Variants in GRID2 observed in about 807,000 individuals in gnomAD.
The protein encoded by GRID2 is glutamate receptor ionotropic, delta-2.
In GRID2, 33 loss-of-function variants were observed where a neutral mutation model predicts 114.8. That is an observed-to-expected ratio of 0.29 (90% CI 0.22 to 0.38). The LOEUF is 0.38. Among genes scored for constraint, GRID2 ranks in the 10% least tolerant of loss-of-function variants. The pLI is 1.00. For synonymous variants in GRID2, 505 were observed against 449.9 expected (o/e 1.12, Z -1.55); for missense variants, 1,184 against 1,257.7 (o/e 0.94, Z 0.89).
chr4:93,163,666 C>T (rs1737973138), intron 4 of GRID2, among the ~76,000 whole-genome samples: 1 of 150,914 alleles, frequency 6.6e-6, no homozygotes, highest in Non-Finnish European at 1.5e-5. Context: ...TTATGATGGG[C>T]TGTCATTAAA....
intron 1 of GRID2, among the ~76,000 whole-genome samples, chr4:92,535,493 GGATTGCAGTTAT>G (rs1725573731): frequency 6.6e-6 from 1 of 151,958 alleles, no homozygotes; most frequent in Non-Finnish European, 1.5e-5. Flanking sequence ...AAACTTCCTG[GGATTGCAGTTAT>G]GACCTAATGT....
intron 1 of GRID2, among the ~76,000 whole-genome samples, chr4:92,441,551 A>G (rs1331794576): frequency 1.3e-5 from 2 of 152,124 alleles, no homozygotes; most frequent in Non-Finnish European, 2.9e-5. Context: ...TTTTGTTGAT[A>G]AGGCGCAGAT....
intron 2 of GRID2, among the ~76,000 whole-genome samples, chr4:92,874,620 A>G (rs2149449728): frequency 6.6e-6 from 1 of 152,282 alleles, no homozygotes; most frequent in African/African-American, 2.4e-5. Flanking sequence ...AAATTACAAC[A>G]TTTGTATGTA....
chr4:93,032,814 C>T (rs1724558410), intron 2 of GRID2, among the ~76,000 whole-genome samples: 1 of 152,154 alleles, frequency 6.6e-6, no homozygotes, highest in South Asian at 2.1e-4. Flanking sequence ...TGACCCCAAA[C>T]AATCAAGCAA....
At chr4:93,421,680 A>C (rs1369380878) in intron 9 of GRID2, among the ~76,000 whole-genome samples, 1 of 152,190 alleles carries the variant, frequency 6.6e-6, no homozygotes, top group Non-Finnish European at 1.5e-5. Flanking sequence ...GAACAATTAC[A>C]AAATTTATCT....
intron 4 of GRID2, among the ~76,000 whole-genome samples, chr4:93,196,517 T>C (rs549036536): frequency 6.6e-6 from 1 of 152,272 alleles, no homozygotes; most frequent in South Asian, 2.1e-4. Flanking sequence ...AAAATCCCCA[T>C]GTAATACTGG....
At chr4:92,688,777 C>G (rs1734042940) in intron 2 of GRID2, among the ~76,000 whole-genome samples, 1 of 152,138 alleles carries the variant, frequency 6.6e-6, no homozygotes, top group South Asian at 2.1e-4. Flanking sequence ...TTGACCTCTT[C>G]CCATGAACTG....
intron 8 of GRID2, among the ~76,000 whole-genome samples, chr4:93,324,495 C>A (rs1757611119): frequency 6.6e-6 from 1 of 152,098 alleles, no homozygotes; most frequent in African/African-American, 2.4e-5. Flanking sequence ...GTCTAAAAGT[C>A]TCTTTTTTTG....
chr4:93,263,209 G>T (rs534717038), intron 8 of GRID2, among the ~76,000 whole-genome samples: 1 of 151,756 alleles, frequency 6.6e-6, no homozygotes, highest in South Asian at 2.1e-4. Context: ...TTTTAATCAT[G>T]TTTATCTAAT....
rs182933054 is a variant in GRID2, at chr4:93,490,761, A to T, written c.1981A>T (p.Ile661Phe). The T allele has an allele frequency of 1.3e-4, 210 of 1,607,174 alleles. 1 individual carries two copies. The East Asian group carries it at 4.2e-3, about 32-fold the overall frequency. Residue 661 changes from isoleucine (I) to phenylalanine (F), a missense_variant, in exon 12 of 16, where the codon ATT becomes TTT. Ile to Phe is a conservative substitution (Grantham distance 21). Around this residue, in one of 3 missense-constraint regions of GRID2, gnomAD observed 717 missense variants for 796.9 expected, o/e 0.90. Coordinates refer to ENST00000282020, the MANE Select transcript of GRID2 (RefSeq NM_001510.4). ...NLAAFLTITR[I>F]ESSIQSLQDL... ...CGCTGCTTTCCTCACTATTACACGC[A>T]TTGAAAGTTCCATCCAGTAAGTAAA... is the stretch of plus-strand genomic sequence containing the variant.
intron 1 of GRID2, among the ~76,000 whole-genome samples, chr4:92,506,096 C>T (rs1723955314): frequency 6.6e-6 from 1 of 151,898 alleles, no homozygotes; most frequent in Admixed American, 6.6e-5. Flanking sequence ...CACTTTGGAG[C>T]TTTATATAGT....
chr4:93,156,137 A>G (rs1737165269), intron 4 of GRID2, among the ~76,000 whole-genome samples: 1 of 151,792 alleles, frequency 6.6e-6, no homozygotes, highest in African/African-American at 2.4e-5. Context: ...TTTAAAGATT[A>G]TGAATGAATA....
At chr4:92,968,693 C>T (rs1360197049) in intron 2 of GRID2, among the ~76,000 whole-genome samples, 2 of 151,640 alleles carry the variant, frequency 1.3e-5, no homozygotes, top group Non-Finnish European at 3.0e-5. Flanking sequence ...AACAGTTTTT[C>T]TTTTTTTACT....
intron 2 of GRID2, among the ~76,000 whole-genome samples, chr4:92,659,960 C>T (rs1241541850): frequency 6.6e-6 from 1 of 151,484 alleles, no homozygotes; most frequent in African/African-American, 2.4e-5. Flanking sequence ...ACAATTCTAA[C>T]ACTGAACGTT....
intron 8 of GRID2, among the ~76,000 whole-genome samples, chr4:93,268,392 T>C (rs1751086217): frequency 1.3e-5 from 2 of 152,270 alleles, no homozygotes; most frequent in Admixed American, 6.5e-5. Context: ...TCATTTAACC[T>C]TTATCACCTC....
chr4:93,374,649 G>A (rs1248639107), intron 8 of GRID2, among the ~76,000 whole-genome samples: 1 of 152,064 alleles, frequency 6.6e-6, no homozygotes, highest in Non-Finnish European at 1.5e-5. Flanking sequence ...TGCATCCCTA[G>A]CTACATTCTT....
chr4:92,311,323 T>C (rs2110109989), intron 1 of GRID2, among the ~76,000 whole-genome samples: 1 of 152,168 alleles, frequency 6.6e-6, no homozygotes, highest in East Asian at 1.9e-4. Flanking sequence ...TGCTTCAGGT[T>C]TTTATGCTTT....
At chr4:92,397,248 T>C (rs1730535734) in intron 1 of GRID2, among the ~76,000 whole-genome samples, 2 of 152,122 alleles carry the variant, frequency 1.3e-5, no homozygotes, top group South Asian at 2.1e-4. Context: ...TAAAATATCA[T>C]GTAGGATTTT....
At chr4:92,634,582 T>G (rs920345742) in intron 2 of GRID2, among the ~76,000 whole-genome samples, 1 of 152,084 alleles carries the variant, frequency 6.6e-6, no homozygotes, top group African/African-American at 2.4e-5. Context: ...TGATTAACAT[T>G]TAACATTCTA....
Sources: allele counts gnomAD v4.1 joint callset (sites outside exome capture counted in the v4.1 genomes callset), GRCh38; gene constraint gnomAD v4.1.1; regional missense constraint gnomAD v4.1.1; transcripts MANE v1.5; gene names NCBI Gene and HGNC (gene_info 2026-07-23, HGNC 2026-07-21).